The following SEMA3E variants were observed in gnomAD, a reference collection of about 807,000 sequenced individuals.
SEMA3E encodes the protein semaphorin 3E.
Under a neutral mutation model 93.6 loss-of-function variants are expected in SEMA3E, and 49 were observed. That is an observed-to-expected ratio of 0.52 (90% CI 0.42 to 0.66). SEMA3E has a LOEUF of 0.66. SEMA3E is among the 30% of genes least tolerant of loss of function. The probability of loss-of-function intolerance (pLI) is 0.00; values close to 1 mark genes in which losing one functional copy is unlikely to be tolerated. For synonymous variants in SEMA3E, 363 were observed against 330.7 expected (o/e 1.10, Z -1.06); for missense variants, 906 against 964.8 (o/e 0.94, Z 0.81).
chr7:83,545,604 A>C (rs866105845), intron 1 of SEMA3E, among the ~76,000 whole-genome samples: 1,528 of 73,104 alleles, frequency 0.021, 23 homozygotes, highest in African/African-American at 0.14. Context: ...TGTGCCAGTC[A>C]AAACTAGGGA....
intron 16 of SEMA3E, chr7:83,371,758 T>G (rs981259993): frequency 3.3e-5 from 5 of 152,110 alleles, no homozygotes; most frequent in Non-Finnish European, 7.3e-5. Flanking sequence ...CAGCTCTTAC[T>G]CTGAACATAC....
At chr7:83,378,647 T>C (rs1787709769) in intron 16 of SEMA3E, among the ~76,000 whole-genome samples, 1 of 151,886 alleles carries the variant, frequency 6.6e-6, no homozygotes, top group Non-Finnish European at 1.5e-5. Flanking sequence ...GTTTTATGCA[T>C]TGTTCAAAGA....
intron 1 of SEMA3E, among the ~76,000 whole-genome samples, chr7:83,506,569 A>T: frequency 6.6e-6 from 1 of 152,304 alleles, no homozygotes; most frequent in Middle Eastern, 3.4e-3. Flanking sequence ...GGTTAAAAAA[A>T]CATAAGGGGC....
intron 1 of SEMA3E, among the ~76,000 whole-genome samples, chr7:83,642,462 G>A (rs1190401022): frequency 6.6e-6 from 1 of 152,084 alleles, no homozygotes; most frequent in Admixed American, 6.6e-5. Flanking sequence ...ATCAGAGACT[G>A]CAACACTTGG....
intron 1 of SEMA3E, among the ~76,000 whole-genome samples, chr7:83,638,882 C>G (rs868478438): frequency 6.6e-6 from 1 of 151,524 alleles, no homozygotes; most frequent in Non-Finnish European, 1.5e-5. Flanking sequence ...GAGGCCGAGG[C>G]GGGCGGATCA....
At chr7:83,641,261 T>A (rs1794003818) in intron 1 of SEMA3E, 1 of 328,106 alleles carries the variant, frequency 3.0e-6, no homozygotes, top group South Asian at 1.2e-4. Flanking sequence ...TTTATTCAGA[T>A]ACTCACTTGA....
At chr7:83,420,300 A>C (rs1180371834) in intron 4 of SEMA3E, among the ~76,000 whole-genome samples, 1 of 152,194 alleles carries the variant, frequency 6.6e-6, no homozygotes, top group Admixed American at 6.5e-5. Context: ...AGAAAATCAT[A>C]TAGATGATAC....
chr7:83,450,026 T>A (rs1789322569), intron 4 of SEMA3E, among the ~76,000 whole-genome samples: 2 of 152,120 alleles, frequency 1.3e-5, no homozygotes. Flanking sequence ...TCAATAAGCA[T>A]ATAAAAGGCA....
At chr7:83,451,398 C>T (rs758746435) in intron 4 of SEMA3E, among the ~76,000 whole-genome samples, 7 of 151,992 alleles carry the variant, frequency 4.6e-5, no homozygotes, top group Non-Finnish European at 8.8e-5. Flanking sequence ...ATAATCAAGG[C>T]CTGAAATTTT....
intron 4 of SEMA3E, among the ~76,000 whole-genome samples, chr7:83,445,770 G>A (rs1404357161): frequency 2.0e-5 from 3 of 152,064 alleles, no homozygotes; most frequent in African/African-American, 7.2e-5. Flanking sequence ...TAAATTATCT[G>A]AGAAAGAAGA....
chr7:83,615,810 C>A (rs370190447), intron 1 of SEMA3E, among the ~76,000 whole-genome samples: 1 of 151,932 alleles, frequency 6.6e-6, no homozygotes, highest in African/African-American at 2.4e-5. Context: ...CCTTAGATAT[C>A]CTGAAGAAAT....
rs1314884070 is a variant in SEMA3E, at chr7:83,578,569, G to T, written c.115+69859C>A. On this transcript the variant is annotated intron_variant, in intron 1 of 16. Transcript: ENST00000643230. ...AGACTCCGTCTCAACAAAAAAGATA[G>T]AATCCGTAATTTGGTCTATTAAAAG... is the stretch of plus-strand genomic sequence containing the variant. Among the ~76,000 whole-genome samples the T allele has an allele frequency of 4.6e-5, 7 of 152,008 alleles. No homozygotes were observed. In the East Asian group the frequency reaches 1.4e-3, roughly 30 times the overall value.
chr7:83,431,118 A>G (rs1387619787), intron 4 of SEMA3E, among the ~76,000 whole-genome samples: 30 of 150,678 alleles, frequency 2.0e-4, no homozygotes, highest in Admixed American at 6.6e-5. Context: ...GCCCAAGTGA[A>G]CAGGTTTCTG....
intron 4 of SEMA3E, among the ~76,000 whole-genome samples, chr7:83,435,638 A>C (rs1008378151): frequency 6.6e-6 from 1 of 152,130 alleles, no homozygotes; most frequent in Non-Finnish European, 1.5e-5. Flanking sequence ...AGAAAAAAGA[A>C]AGACAGAAAC....
At chr7:83,625,992 A>G (rs1214112315) in intron 1 of SEMA3E, among the ~76,000 whole-genome samples, 1 of 152,160 alleles carries the variant, frequency 6.6e-6, no homozygotes, top group African/African-American at 2.4e-5. Flanking sequence ...GGTTCTGTTT[A>G]TGCGATAGAT....
intron 3 of SEMA3E, among the ~76,000 whole-genome samples, chr7:83,468,122 A>G (rs1213927348): frequency 5.3e-5 from 8 of 152,186 alleles, no homozygotes; most frequent in African/African-American, 1.9e-4. Context: ...AGTCTATCCT[A>G]TAACAGTATT....
intron 1 of SEMA3E, among the ~76,000 whole-genome samples, chr7:83,540,093 G>C (rs1030947552): frequency 2.0e-5 from 3 of 152,138 alleles, no homozygotes; most frequent in Non-Finnish European, 4.4e-5. Context: ...ATGTTGGCCA[G>C]GCTGGTCCCG....
At position 83,389,012 on chromosome 7, in the gene SEMA3E, G is replaced by GT. The variant is rs760754146; in HGVS notation, c.1668-1963dup. Among the ~76,000 whole-genome samples, 90 of 149,902 alleles carry GT rather than the reference G, an allele frequency of 6.0e-4. 1 individual carries two copies. The East Asian group carries it at 0.01, about 17-fold the overall frequency. On this transcript the variant is annotated intron_variant, in intron 14 of 16. Coordinates refer to ENST00000643230, the MANE Select transcript of SEMA3E (RefSeq NM_012431.3). ...TGTACAAAAGTATGTTTTAGTTTTA[G>GT]TTTTTTTTTAATGTAGAGATTGCTG...
chr7:83,465,941 G>T (rs1254087537), intron 4 of SEMA3E, among the ~76,000 whole-genome samples: 1 of 152,102 alleles, frequency 6.6e-6, no homozygotes, highest in South Asian at 2.1e-4. Context: ...TCACCTAGTG[G>T]CAAAGTCTTA....
Sources: gnomAD v4.1 joint callset for allele counts (sites outside exome capture counted in the v4.1 genomes callset) on GRCh38, gnomAD v4.1.1 for gene constraint, MANE v1.5 for transcripts, NCBI Gene and HGNC (gene_info 2026-07-23, HGNC 2026-07-21) for gene names.